The following XKR9 variants were observed in gnomAD, a reference collection of about 807,000 sequenced individuals.
XKR9 encodes XK-related protein 9.
A neutral mutation model predicts 32.0 loss-of-function variants in XKR9; 32 were observed. The observed-to-expected ratio is 1.00, with a 90% CI of 0.76 to 1.34. XKR9 has a LOEUF of 1.34. Ranked by LOEUF, XKR9 falls within the 40% of genes most tolerant of loss-of-function variation. XKR9 has a pLI of 0.00. For missense variants in XKR9, 546 were observed against 429.7 expected (o/e 1.27, Z -2.39); for synonymous variants, 168 against 143.4 (o/e 1.17, Z -1.22).
At chr8:71,036,542 T>C in the XKR9 span, among the ~76,000 whole-genome samples, 1 of 151,856 alleles carries the variant, frequency 6.6e-6, no homozygotes, top group Admixed American at 6.6e-5. Context: ...GAACAGGGGA[T>C]AATTTCCAGC....
At chr8:70,732,381 A>G (rs1806700128) in intron 4 of XKR9, among the ~76,000 whole-genome samples, 1 of 152,198 alleles carries the variant, frequency 6.6e-6, no homozygotes, top group African/African-American at 2.4e-5. Context: ...AATTAAATCC[A>G]TGCACATTGG....
intron 3 of XKR9, among the ~76,000 whole-genome samples, chr8:70,697,877 A>G (rs1342295332): frequency 6.6e-6 from 1 of 152,026 alleles, no homozygotes; most frequent in Non-Finnish European, 1.5e-5. Flanking sequence ...TTATTGGTCT[A>G]TTCAGAGATT....
chr8:70,906,393 A>G, the XKR9 span, among the ~76,000 whole-genome samples: 1 of 152,228 alleles, frequency 6.6e-6, no homozygotes, highest in Non-Finnish European at 1.5e-5. Context: ...TTAGCGTACT[A>G]TTAAACTTTA....
chr8:71,021,505 T>C, the XKR9 span, among the ~76,000 whole-genome samples: 5 of 142,802 alleles, frequency 3.5e-5, no homozygotes, highest in Admixed American at 6.9e-5. Flanking sequence ...TTTCTTTTTT[T>C]TTTTTTTTTT....
the XKR9 span, among the ~76,000 whole-genome samples, chr8:70,986,451 A>G: frequency 1.3e-5 from 2 of 152,192 alleles, no homozygotes; most frequent in African/African-American, 4.8e-5. Flanking sequence ...TGTGTACTAG[A>G]TGTGTTTTGT....
At chr8:70,789,160 T>A (rs114954330) in intron 2 of XKR9, among the ~76,000 whole-genome samples, 1,751 of 152,136 alleles carry the variant, frequency 0.012, 29 homozygotes, top group African/African-American at 0.038. Flanking sequence ...AGTTTACGTG[T>A]AACTTAGGTC....
the XKR9 span, among the ~76,000 whole-genome samples, chr8:70,944,539 T>G: frequency 6.6e-6 from 1 of 152,172 alleles, no homozygotes; most frequent in Non-Finnish European, 1.5e-5. Flanking sequence ...TCTTATCTTG[T>G]TTATGGTCTC....
rs570705454 is a variant in XKR9 at position 70,762,033 on chromosome 8, C to A, written n.353-27306C>A. 3.9e-5 allele frequency among the ~76,000 whole-genome samples: 6 copies of A among 152,178 alleles called. No individual in the cohort carries two copies. In the East Asian group the frequency reaches 9.7e-4, roughly 25 times the overall value. On this transcript the variant is annotated intron_variant and non_coding_transcript_variant, in intron 2 of 3. Transcript: ENST00000520273. Reference sequence around the variant, plus strand: ...AGGCGTGCGGTCTTATTTCTTGGTTCTCTATTCTGTTCCATTGGTCTACGT... The same window carrying A: ...AGGCGTGCGGTCTTATTTCTTGGTTATCTATTCTGTTCCATTGGTCTACGT...
At chr8:70,982,640 T>G in the XKR9 span, among the ~76,000 whole-genome samples, 1 of 152,116 alleles carries the variant, frequency 6.6e-6, no homozygotes, top group African/African-American at 2.4e-5. Flanking sequence ...GCAAGCCGAC[T>G]CAAAGGTTTT....
the XKR9 span, among the ~76,000 whole-genome samples, chr8:70,850,463 CAAAAAAAAAA>C: frequency 4.1e-5 from 3 of 74,002 alleles, no homozygotes; most frequent in Middle Eastern, 7.9e-3. Flanking sequence ...GACTCCTTCT[CAAAAAAAAAA>C]AAAAAAAAAA....
At chr8:70,935,418 G>T in the XKR9 span, among the ~76,000 whole-genome samples, 1 of 151,514 alleles carries the variant, frequency 6.6e-6, no homozygotes, top group Non-Finnish European at 1.5e-5. Context: ...AGCCTTGCCA[G>T]GTATGCATAT....
chr8:70,803,296 G>T, the XKR9 span, among the ~76,000 whole-genome samples: 3 of 152,138 alleles, frequency 2.0e-5, no homozygotes, highest in South Asian at 2.1e-4. Flanking sequence ...CTCAGTTCAG[G>T]TTGGCTCTTT....
At chr8:70,704,730 C>G (rs765363052) in intron 3 of XKR9, among the ~76,000 whole-genome samples, 1 of 152,056 alleles carries the variant, frequency 6.6e-6, no homozygotes, top group African/African-American at 2.4e-5. Flanking sequence ...TAGTATCTAC[C>G]CTATTGGATT....
chr8:70,752,644 G>A (rs894354760), intron 2 of XKR9, among the ~76,000 whole-genome samples: 2 of 152,160 alleles, frequency 1.3e-5, no homozygotes, highest in African/African-American at 4.8e-5. Context: ...ATGAGTTTTG[G>A]TGGGGACAAA....
intron 3 of XKR9, among the ~76,000 whole-genome samples, chr8:70,684,021 T>G (rs543457988): frequency 1.3e-5 from 2 of 152,334 alleles, no homozygotes; most frequent in East Asian, 3.9e-4. Flanking sequence ...AGGAGTTAGA[T>G]TTTAGTCTCA....
At chr8:70,740,645 G>T (rs1806956146), downstream of XKR9, among the ~76,000 whole-genome samples, 1 of 151,938 alleles carries the variant, frequency 6.6e-6, no homozygotes, top group African/African-American at 2.4e-5. Flanking sequence ...TGGGTTTTTG[G>T]TGTGGATGTC....
the XKR9 span, among the ~76,000 whole-genome samples, chr8:70,821,398 G>A: frequency 6.6e-6 from 1 of 152,198 alleles, no homozygotes; most frequent in East Asian, 1.9e-4. Context: ...CACAGTGCAA[G>A]CTGTTGGTGG....
the XKR9 span, among the ~76,000 whole-genome samples, chr8:70,920,919 C>T: frequency 6.6e-6 from 1 of 152,014 alleles, no homozygotes; most frequent in East Asian, 1.9e-4. Context: ...TAGACAAACC[C>T]GGGAAACCAT....
chr8:70,853,168 T>G, the XKR9 span, among the ~76,000 whole-genome samples: 1 of 152,074 alleles, frequency 6.6e-6, no homozygotes, highest in Admixed American at 6.6e-5. Flanking sequence ...CCTCTCATGT[T>G]CTCACTTATT....
Sources: allele counts gnomAD v4.1 joint callset (sites outside exome capture counted in the v4.1 genomes callset), GRCh38; gene constraint gnomAD v4.1.1; transcripts MANE v1.5; gene names NCBI Gene and HGNC (gene_info 2026-07-23, HGNC 2026-07-21).